Variants in MSI1 observed in about 807,000 individuals in gnomAD.
MSI1 encodes the protein RNA-binding protein Musashi homolog 1.
A neutral mutation model predicts 54.4 loss-of-function variants in MSI1; 15 were observed. The ratio of observed to expected loss-of-function variants is 0.28; its 90% CI spans 0.18 to 0.42. The LOEUF (loss-of-function observed/expected upper bound fraction) is 0.42, where lower values mean the gene tolerates loss of function less well. MSI1 is among the 20% of genes least tolerant of loss of function. MSI1 has a pLI of 1.00. For missense variants in MSI1, 304 were observed against 506.0 expected (o/e 0.60, Z 3.83); for synonymous variants, 200 against 196.5 (o/e 1.02, Z -0.15).
chr12:120,354,796 C>T (rs1431390354), intron 9 of MSI1, among the ~76,000 whole-genome samples: 2 of 152,094 alleles, frequency 1.3e-5, no homozygotes, highest in African/African-American at 4.8e-5. Context: ...AAAACTTTCT[C>T]AATGTTCTAA....
chr12:120,343,926 G>T (rs181965562), intron 14 of MSI1, among the ~76,000 whole-genome samples: 16 of 152,064 alleles, frequency 1.1e-4, no homozygotes, highest in Admixed American at 6.6e-4. Context: ...GCCTGATCTC[G>T]GCTCACTGCA....
rs772313569 is a variant in MSI1, at chr12:120,351,333, G to A, written c.790+11C>T. On this transcript the variant is annotated intron_variant, in intron 11 of 14. Coordinates refer to ENST00000257552, the MANE Select transcript of MSI1 (RefSeq NM_002442.4). ...GTGGCCTGAGAGGTATACAAAATCC[G>A]AGCGACTGACCTGTAAGCTCGGGGA... 28 of 1,611,984 alleles carry A rather than the reference G, an allele frequency of 1.7e-5. No homozygotes were observed. Among genetic ancestry groups the A allele is most frequent in the South Asian group, 2.2e-5 (2 of 90,794 alleles).
intron 4 of MSI1, among the ~76,000 whole-genome samples, chr12:120,365,848 T>C (rs1875983023): frequency 6.6e-6 from 1 of 152,202 alleles, no homozygotes; most frequent in South Asian, 2.1e-4. Context: ...TTCCTTCATC[T>C]GCAAAGTGGG....
In MSI1 at chr12:120,368,700, G is replaced by T; in HGVS notation, c.100+133C>A. 1 of 809,448 alleles carries T rather than the reference G, an allele frequency of 1.2e-6. No homozygotes were observed. Among genetic ancestry groups the T allele is most frequent in the Non-Finnish European group, 1.6e-6 (1 of 611,978 alleles). The allele number at this position is 809,448 out of a possible 1,614,324, so 50.1% of individuals were successfully genotyped here. A position where few individuals can be genotyped will look rare whatever the true frequency, so the allele number is the denominator to read the frequency against. On this transcript the variant is annotated intron_variant, in intron 2 of 14. Transcript: ENST00000257552. This position sits in a 1 kb window ranked among gnomAD's most constrained non-coding sequence, Gnocchi z 6.6. ...CGCCCTGCGCTCTCGGGGTCTCCGG[G>T]CGGGGCGCGAAAGAGGGCGCGAGGG...
Position 120,345,751 on chromosome 12 carries a change from G to A in MSI1, c.1048-119C>T, listed in dbSNP as rs998988878. On this transcript the variant is annotated intron_variant, in intron 13 of 14. Coordinates refer to ENST00000257552, the MANE Select transcript of MSI1 (RefSeq NM_002442.4). ...TGACCTCTCTCTACCTGTCCGGATC[G>A]CCCCCCTACTGCAGGTCTGCCTACC... 2.7e-5 allele frequency: 34 copies of A among 1,248,436 alleles called. No homozygotes were observed. The East Asian group carries it at 6.0e-4, about 22-fold the overall frequency. The allele number at this position is 1,248,436 out of a possible 1,614,324, so 77.3% of individuals were successfully genotyped here.
At chr12:120,359,186 G>C in intron 6 of MSI1, 133 bp from the exon 7 acceptor site, 1 of 1,052,982 alleles carries the variant, frequency 9.5e-7, no homozygotes, top group Non-Finnish European at 1.4e-6. Context: ...CCCTGCACAG[G>C]GGACAACTTT....
intron 11 of MSI1, among the ~76,000 whole-genome samples, chr12:120,350,714 C>G (rs548620523): frequency 6.6e-6 from 1 of 152,272 alleles, no homozygotes; most frequent in East Asian, 1.9e-4. Context: ...GTGAAGGTGC[C>G]AGCCAGGAAA....
At chr12:120,340,554 C>T (rs939650218), downstream of MSI1, among the ~76,000 whole-genome samples, 3 of 151,910 alleles carry the variant, frequency 2.0e-5, no homozygotes, top group African/African-American at 7.3e-5. Flanking sequence ...TTGCTCTGTC[C>T]TCCAGGCTGG....
chr12:120,350,496 G>A (rs191753919), intron 11 of MSI1, among the ~76,000 whole-genome samples: 2 of 152,196 alleles, frequency 1.3e-5, no homozygotes, highest in Admixed American at 1.3e-4. Flanking sequence ...CCCCATTTTG[G>A]GGGAACCCTG....
Position 120,367,995 on chromosome 12 carries a change from G to T in MSI1, c.267+13C>A, listed in dbSNP as rs763316347. On this transcript the variant is annotated intron_variant, in intron 4 of 14. Transcript: ENST00000257552. ...TCTCCCAAAGGACCCCCGAAGCCCC[G>T]AGGGCCACTCACTGTTTTGGAGTCG... 2 of 1,605,734 alleles carry T rather than the reference G, an allele frequency of 1.2e-6. No individual in the cohort carries two copies. Among genetic ancestry groups the T allele is most frequent in the Admixed American group, 1.7e-5 (1 of 59,116 alleles).
In MSI1 at chr12:120,342,435, G is replaced by C. The variant is rs1030546143; in HGVS notation, c.*692C>G. On this transcript the variant is annotated 3_prime_UTR_variant, in exon 15 of 15. Transcript: ENST00000257552. ...AGAGGGGTGGGCACATCACCTCACA[G>C]TATTTACATATGATACAGGACGGGA... is the stretch of plus-strand genomic sequence containing the variant. The C allele has an allele frequency of 1.3e-5, 2 of 152,394 alleles. No homozygotes were observed. Among genetic ancestry groups the C allele is most frequent in the African/African-American group, 4.8e-5 (2 of 41,350 alleles). 9.4% of individuals were successfully genotyped at this position (152,394 alleles called of 1,614,324 possible).
At chr12:120,347,543 A>C in intron 11 of MSI1, 29 bp from the exon 12 acceptor site, 1 of 1,613,810 alleles carries the variant, frequency 6.2e-7, no homozygotes. Flanking sequence ...GCACATCAGC[A>C]TGGCGGTGAG....
At chr12:120,362,051 G>C (rs184363650) in intron 6 of MSI1, among the ~76,000 whole-genome samples, 1 of 151,832 alleles carries the variant, frequency 6.6e-6, no homozygotes, top group African/African-American at 2.4e-5. Flanking sequence ...TCTGGGGCCC[G>C]GGCCCGCCCG....
rs1446484717 is a variant in MSI1 at position 120,344,850 on chromosome 12, C to T, written c.*21+720G>A. Among the ~76,000 whole-genome samples the T allele has an allele frequency of 4.0e-5, 6 of 148,200 alleles. No homozygotes were observed. In the East Asian group the frequency reaches 1.2e-3, roughly 30 times the overall value. The stretch of plus-strand genomic sequence containing the variant: ...TGGCAAAACTCGTCTCTGCTAAAAA[C>T]AAAAAAAATACCAAAATTAGCTGGG... On this transcript the variant is annotated intron_variant, in intron 14 of 14. Coordinates refer to ENST00000257552, the MANE Select transcript of MSI1 (RefSeq NM_002442.4).
In MSI1 at chr12:120,342,301, G is replaced by A. The variant is rs1457204616; in HGVS notation, c.*826C>T. On this transcript the variant is annotated 3_prime_UTR_variant, in exon 15 of 15. Transcript: ENST00000257552. Reference sequence around the variant, plus strand: ...CAAGGCCTTGACCCTGAGGGCCTGAGAGAGCGGGCCTGCCGTGGCCACAGC... The same window carrying A: ...CAAGGCCTTGACCCTGAGGGCCTGAAAGAGCGGGCCTGCCGTGGCCACAGC... 1.3e-5 allele frequency: 2 copies of A among 152,674 alleles called. No individual in the cohort carries two copies. Among genetic ancestry groups the A allele is most frequent in the Non-Finnish European group, 2.9e-5 (2 of 68,164 alleles). 9.5% of individuals were successfully genotyped at this position (152,674 alleles called of 1,614,324 possible).
chr12:120,360,921 C>T (rs1445598119), intron 6 of MSI1, among the ~76,000 whole-genome samples: 1 of 151,862 alleles, frequency 6.6e-6, no homozygotes, highest in Admixed American at 6.6e-5. Context: ...TCCTTGGTAG[C>T]TGGGACTACA....
intron 6 of MSI1, among the ~76,000 whole-genome samples, chr12:120,361,698 C>T (rs1269775877): frequency 6.6e-6 from 1 of 151,352 alleles, no homozygotes; most frequent in South Asian, 2.1e-4. Context: ...ATTGTTCCCC[C>T]CTCGGCGGCG....
intron 6 of MSI1, among the ~76,000 whole-genome samples, chr12:120,360,641 A>G (rs922864810): frequency 1.3e-5 from 2 of 152,192 alleles, no homozygotes; most frequent in African/African-American, 4.8e-5. Flanking sequence ...AAACCCAGAA[A>G]GAAGGATTGT....
intron 6 of MSI1, 24 bp downstream of exon 6, chr12:120,363,019 C>T (rs377431111): frequency 1.3e-4 from 213 of 1,597,384 alleles, no homozygotes; most frequent in Non-Finnish European, 1.7e-4. Flanking sequence ...GCCCCAGCAG[C>T]AAGCGCCCCC....
Sources: allele counts gnomAD v4.1 joint callset (sites outside exome capture counted in the v4.1 genomes callset), GRCh38; gene constraint gnomAD v4.1.1; non-coding constraint Gnocchi (gnomAD v3.1); transcripts MANE v1.5; gene names NCBI Gene and HGNC (gene_info 2026-07-23, HGNC 2026-07-21).